ABLIM1: variants seen among roughly 807,000 people sequenced by gnomAD.
ABLIM1 encodes the protein actin binding LIM protein 1.
In ABLIM1, 40 loss-of-function variants were observed where a neutral mutation model predicts 107.0. The observed-to-expected ratio is 0.37, with a 90% CI of 0.29 to 0.49. ABLIM1 has a LOEUF of 0.49. ABLIM1 is among the 20% of genes least tolerant of loss of function. The pLI is 0.97. For missense variants in ABLIM1, 857 were observed against 1,008.5 expected (o/e 0.85, Z 2.04); for synonymous variants, 357 against 357.3 (o/e 1.00, Z 0.01).
At position 114,623,639 on chromosome 10, in the gene ABLIM1, T is replaced by C. The variant is rs578108989; in HGVS notation, c.245-21678A>G. Among the ~76,000 whole-genome samples the C allele has an allele frequency of 1.7e-3, 252 of 152,204 alleles. 3 individuals carry two copies. The highest frequency in any genetic ancestry group is 3.1e-3 in the Non-Finnish European group (208 of 68,042). On this transcript the variant is annotated intron_variant, in intron 1 of 22. Coordinates refer to ENST00000533213, the MANE Select transcript of ABLIM1 (RefSeq NM_002313.7). Reference sequence around the variant, plus strand: ...GTCCCTGAATCAAGAACATCAACATTATCTGGGAAGTGTTAGAAATGCAAA... The same window carrying C: ...GTCCCTGAATCAAGAACATCAACATCATCTGGGAAGTGTTAGAAATGCAAA...
chr10:114,601,651 C>G lies in ABLIM1; in HGVS notation c.379+176G>C, dbSNP rs534412014. 9 of 1,026,734 alleles carry G rather than the reference C, an allele frequency of 8.8e-6. No homozygotes were observed. The African/African-American group carries it at 1.3e-4, about 14-fold the overall frequency. 63.6% of individuals were successfully genotyped at this position (1,026,734 alleles called of 1,614,324 possible). On this transcript the variant is annotated intron_variant, in intron 2 of 22. Coordinates refer to ENST00000533213, the MANE Select transcript of ABLIM1 (RefSeq NM_002313.7). ...CCACGAATCACTGGTTTTAGCAGGA[C>G]TCGTTCTCGCCCTAGAGTCTAACTG...
At chr10:114,561,806 A>G (rs974317123) in intron 4 of ABLIM1, among the ~76,000 whole-genome samples, 3 of 152,246 alleles carry the variant, frequency 2.0e-5, no homozygotes, top group African/African-American at 7.2e-5. Context: ...AAATGCCACT[A>G]GCTTTCCACC....
intron 13 of ABLIM1, among the ~76,000 whole-genome samples, chr10:114,452,278 G>A (rs1170828859): frequency 6.6e-6 from 1 of 151,990 alleles, no homozygotes; most frequent in Non-Finnish European, 1.5e-5. Flanking sequence ...TAAACACTAT[G>A]TATATATTTA....
At chr10:114,502,186 C>A (rs1207592419) in intron 6 of ABLIM1, 1 of 172,966 alleles carries the variant, frequency 5.8e-6, no homozygotes, top group Non-Finnish European at 1.3e-5. Context: ...GAAACATCAT[C>A]CTCTCATTAG....
intron 1 of ABLIM1, among the ~76,000 whole-genome samples, chr10:114,621,487 T>A (rs540954068): frequency 6.6e-6 from 1 of 152,360 alleles, no homozygotes; most frequent in South Asian, 2.1e-4. Flanking sequence ...GAGTGCTTAC[T>A]ATGGAGCAGA....
chr10:114,538,581 G>A lies in ABLIM1; in HGVS notation c.894+6424C>T, dbSNP rs199706141. ...ACACAAGGACAGGTGCCACCAGCCC[G>A]CCCAGAAAGACTAGATGAACCCAGG... On this transcript the variant is annotated intron_variant, in intron 6 of 22. Transcript: ENST00000533213. 9.2e-5 allele frequency among the ~76,000 whole-genome samples: 14 copies of A among 152,264 alleles called. No homozygotes were observed. The East Asian group carries it at 1.9e-3, about 21-fold the overall frequency.
chr10:114,743,153 C>T (rs934425823), intron 1 of ABLIM1, among the ~76,000 whole-genome samples: 2 of 152,048 alleles, frequency 1.3e-5, no homozygotes, highest in African/African-American at 4.8e-5. Flanking sequence ...AAGCAAATTG[C>T]AACTAGGAAA....
At chr10:114,762,527 A>AT (rs1404667799) in intron 1 of ABLIM1, among the ~76,000 whole-genome samples, 1 of 152,130 alleles carries the variant, frequency 6.6e-6, no homozygotes, top group Non-Finnish European at 1.5e-5. Context: ...TTAAGTGGAC[A>AT]TTTTTCCTTT....
chr10:114,484,140 T>TA (rs2057816905), intron 8 of ABLIM1, among the ~76,000 whole-genome samples: 1 of 152,184 alleles, frequency 6.6e-6, no homozygotes, highest in Non-Finnish European at 1.5e-5. Context: ...TATAGCAGGA[T>TA]GAATATGAGT....
Position 114,448,034 on chromosome 10 carries a change from G to A in ABLIM1, c.1595-14C>T, listed in dbSNP as rs1398887552. ...CTGCCAAGGCAGCTGCATCTAGATGGGAATCAGGGGTTGCTTAGCTATTGG... is the reference window on the plus strand; with the variant it reads ...CTGCCAAGGCAGCTGCATCTAGATGAGAATCAGGGGTTGCTTAGCTATTGG... On this transcript the variant is annotated splice_polypyrimidine_tract_variant and intron_variant, in intron 14 of 22. Coordinates refer to ENST00000533213, the MANE Select transcript of ABLIM1 (RefSeq NM_002313.7). The A allele has an allele frequency of 1.2e-6, 2 of 1,613,918 alleles. No individual in the cohort carries two copies. The highest frequency in any genetic ancestry group is 2.2e-5 in the East Asian group (1 of 44,898).
At chr10:114,523,808 A>G (rs771288193) in intron 6 of ABLIM1, among the ~76,000 whole-genome samples, 1 of 152,190 alleles carries the variant, frequency 6.6e-6, no homozygotes, top group African/African-American at 2.4e-5. Context: ...CTGTTCATCA[A>G]TGACTGAGCA....
At chr10:114,733,938 G>T (rs7097959) in intron 1 of ABLIM1, among the ~76,000 whole-genome samples, 8,575 of 152,062 alleles carry the variant, frequency 0.056, 375 homozygotes, top group African/African-American at 0.12. Context: ...TTGGCTCACT[G>T]CAATCTCTGC....
intron 6 of ABLIM1, among the ~76,000 whole-genome samples, chr10:114,532,825 C>G (rs2065593820): frequency 6.6e-6 from 1 of 152,156 alleles, no homozygotes; most frequent in Non-Finnish European, 1.5e-5. Flanking sequence ...GAGGTAGTTG[C>G]AATGCCCAGC....
chr10:114,545,896 A>T (rs572304878), intron 5 of ABLIM1, among the ~76,000 whole-genome samples: 62 of 142,670 alleles, frequency 4.3e-4, no homozygotes, highest in African/African-American at 1.6e-3. Flanking sequence ...GCACCATTGC[A>T]TTCCAGCCTG....
the ABLIM1 span, among the ~76,000 whole-genome samples, chr10:114,797,329 T>A: frequency 1.3e-5 from 2 of 152,214 alleles, no homozygotes; most frequent in African/African-American, 4.8e-5. Flanking sequence ...TATTTCTGAT[T>A]GATTTCAAAT....
At chr10:114,726,609 CG>C (rs377207965) in intron 1 of ABLIM1, among the ~76,000 whole-genome samples, 11 of 152,056 alleles carry the variant, frequency 7.2e-5, no homozygotes, top group Non-Finnish European at 1.2e-4. Flanking sequence ...GGTGAAACCC[CG>C]TCTCCACTAA....
intron 2 of ABLIM1, among the ~76,000 whole-genome samples, chr10:114,597,115 C>G (rs1386368610): frequency 6.6e-6 from 1 of 152,172 alleles, no homozygotes; most frequent in South Asian, 2.1e-4. Flanking sequence ...GCTCAGTACC[C>G]GAACATCGCC....
intron 12 of ABLIM1, among the ~76,000 whole-genome samples, chr10:114,456,373 T>C (rs576481244): frequency 1.3e-5 from 2 of 152,306 alleles, no homozygotes; most frequent in South Asian, 4.1e-4. Context: ...AGAAAAATGA[T>C]TTAATCCTAT....
rs189767946 is a variant in ABLIM1 at position 114,603,542 on chromosome 10, A to G, written c.245-1581T>C. 2.0e-4 allele frequency among the ~76,000 whole-genome samples: 30 copies of G among 152,152 alleles called. No individual in the cohort carries two copies. In the East Asian group the frequency reaches 5.0e-3, roughly 25 times the overall value. On this transcript the variant is annotated intron_variant, in intron 1 of 22. Coordinates refer to ENST00000533213, the MANE Select transcript of ABLIM1 (RefSeq NM_002313.7). ...ACAACATAACTCAGTTATTATCTAA[A>G]GGAATTAAGGAGGGACATGCTCTCA...
Sources: gnomAD v4.1 joint callset for allele counts (sites outside exome capture counted in the v4.1 genomes callset) on GRCh38, gnomAD v4.1.1 for gene constraint, MANE v1.5 for transcripts, NCBI Gene and HGNC (gene_info 2026-07-23, HGNC 2026-07-21) for gene names.